Variants in GABRB3 observed in about 807,000 individuals in gnomAD.
GABRB3 encodes the protein gamma-aminobutyric acid receptor subunit beta-3.
GABRB3 carries 14 observed loss-of-function variants against 52.1 expected under a neutral mutation model. The observed-to-expected ratio is 0.27, with a 90% CI of 0.18 to 0.42. The LOEUF (loss-of-function observed/expected upper bound fraction) is 0.42, where lower values mean the gene tolerates loss of function less well. Ranked by LOEUF, GABRB3 falls within the 10% of genes least tolerant of loss-of-function variation. The probability of loss-of-function intolerance (pLI) is 1.00; values close to 1 mark genes in which losing one functional copy is unlikely to be tolerated. For synonymous variants in GABRB3, 260 were observed against 232.3 expected (o/e 1.12, Z -1.08); for missense variants, 307 against 609.1 (o/e 0.50, Z 5.22).
intron 3 of GABRB3, among the ~76,000 whole-genome samples, chr15:26,685,344 T>C (rs953675263): frequency 6.6e-6 from 1 of 152,116 alleles, no homozygotes; most frequent in African/African-American, 2.4e-5. Context: ...CATCCCCCTA[T>C]GGGATGGAGC....
At chr15:26,737,584 C>T (rs890006080) in intron 3 of GABRB3, among the ~76,000 whole-genome samples, 3 of 151,962 alleles carry the variant, frequency 2.0e-5, no homozygotes, top group Admixed American at 2.0e-4. Context: ...TGTAATCTAT[C>T]CAGGTGGAAA....
intron 3 of GABRB3, among the ~76,000 whole-genome samples, chr15:26,716,105 C>A (rs1191727251): frequency 2.0e-5 from 3 of 152,198 alleles, no homozygotes; most frequent in Admixed American, 2.0e-4. Flanking sequence ...AATATCCTGA[C>A]TCAAGGGAAA....
intron 3 of GABRB3, among the ~76,000 whole-genome samples, chr15:26,656,212 T>TC (rs1274173070): frequency 2.0e-5 from 3 of 152,152 alleles, no homozygotes; most frequent in African/African-American, 7.2e-5. Flanking sequence ...GGCTTCAGCC[T>TC]CCACACTTGT....
At chr15:26,726,083 T>C in intron 3 of GABRB3, among the ~76,000 whole-genome samples, 1 of 151,658 alleles carries the variant, frequency 6.6e-6, no homozygotes. Flanking sequence ...ACAAAAGACA[T>C]ATCACAGCTG....
At chr15:26,667,700 G>A (rs1334316748) in intron 3 of GABRB3, among the ~76,000 whole-genome samples, 9 of 152,268 alleles carry the variant, frequency 5.9e-5, no homozygotes, top group East Asian at 3.9e-4. Flanking sequence ...TCTCCAGACC[G>A]GCAGTATCAG....
chr15:26,609,621 A>G lies in GABRB3; in HGVS notation c.461+11693T>C, dbSNP rs994725126. ...CATTGTGTGGTTAGGCAGCTGCTAT[A>G]TAGTGTCACATAATAAAATAAAGGA... On this transcript the variant is annotated intron_variant, in intron 4 of 8. Coordinates refer to ENST00000311550, the MANE Select transcript of GABRB3 (RefSeq NM_000814.6). 3.3e-5 allele frequency among the ~76,000 whole-genome samples: 5 copies of G among 152,154 alleles called. 1 individual carries two copies. In the South Asian group the frequency reaches 1.0e-3, roughly 32 times the overall value.
intron 3 of GABRB3, among the ~76,000 whole-genome samples, chr15:26,739,886 C>T (rs1890158096): frequency 6.6e-6 from 1 of 152,000 alleles, no homozygotes. Flanking sequence ...AGATAAAATC[C>T]ATTCTTATCT....
At chr15:26,597,084 G>A (rs999892401) in intron 4 of GABRB3, among the ~76,000 whole-genome samples, 2 of 151,978 alleles carry the variant, frequency 1.3e-5, no homozygotes, top group African/African-American at 4.8e-5. Flanking sequence ...TCTATAAATG[G>A]ATTAATCCAT....
Position 26,677,998 on chromosome 15 carries a change from G to A in GABRB3, c.241-56464C>T, listed in dbSNP as rs148978783. Among the ~76,000 whole-genome samples the A allele has an allele frequency of 1.1e-3, 167 of 152,256 alleles. 1 individual carries two copies. The highest frequency in any genetic ancestry group is 6.8e-3 in the Middle Eastern group (2 of 294). On this transcript the variant is annotated intron_variant, in intron 3 of 8. Coordinates refer to ENST00000311550, the MANE Select transcript of GABRB3 (RefSeq NM_000814.6). ...GGGGGCCAGCTCTATCTAAAACTAC[G>A]CTGTGTGGGCATTTTAGCAATTTGA...
intron 6 of GABRB3, among the ~76,000 whole-genome samples, chr15:26,578,788 C>G (rs1468139444): frequency 6.6e-6 from 1 of 152,248 alleles, no homozygotes; most frequent in Non-Finnish European, 1.5e-5. Context: ...GCTCCTACCA[C>G]TCAGGGCATG....
chr15:26,632,060 A>T (rs897252360), intron 3 of GABRB3, among the ~76,000 whole-genome samples: 1 of 152,240 alleles, frequency 6.6e-6, no homozygotes, highest in Non-Finnish European at 1.5e-5. Context: ...CGAAGTCTCA[A>T]GTTGGCCTCC....
At chr15:26,734,936 T>C (rs1211166382) in intron 3 of GABRB3, among the ~76,000 whole-genome samples, 1 of 152,028 alleles carries the variant, frequency 6.6e-6, no homozygotes, top group African/African-American at 2.4e-5. Context: ...AACAAAACCC[T>C]ATCAGTAGAG....
At chr15:26,576,039 G>A (rs980582611) in intron 6 of GABRB3, among the ~76,000 whole-genome samples, 23 of 152,188 alleles carry the variant, frequency 1.5e-4, no homozygotes, top group African/African-American at 4.8e-4. Context: ...GCTGGTGAGC[G>A]GGACACATTT....
At chr15:26,664,512 G>A (rs137890110) in intron 3 of GABRB3, among the ~76,000 whole-genome samples, 11 of 151,818 alleles carry the variant, frequency 7.2e-5, no homozygotes, top group Non-Finnish European at 1.6e-4. Flanking sequence ...GTTTCACGGT[G>A]GAAAGAAATC....
At chr15:26,660,547 C>T (rs1241559362) in intron 3 of GABRB3, among the ~76,000 whole-genome samples, 1 of 152,104 alleles carries the variant, frequency 6.6e-6, no homozygotes, top group African/African-American at 2.4e-5. Flanking sequence ...AGGACTATTC[C>T]CCAAATCTGG....
At chr15:26,615,318 T>G (rs1053829173) in intron 4 of GABRB3, 1 of 985,422 alleles carries the variant, frequency 1.0e-6, no homozygotes, top group Non-Finnish European at 1.2e-6. Context: ...TTATGTTTTA[T>G]TTTAGGATGG....
chr15:26,556,015 G>T (rs1889737940), intron 8 of GABRB3, among the ~76,000 whole-genome samples: 1 of 152,206 alleles, frequency 6.6e-6, no homozygotes, highest in South Asian at 2.1e-4. Flanking sequence ...CTATCATCTA[G>T]AGTTTACGTC....
rs557617547 is a variant in GABRB3, at chr15:26,770,473, G to C, written c.240+1929C>G. 2.0e-5 allele frequency among the ~76,000 whole-genome samples: 3 copies of C among 152,276 alleles called. No individual in the cohort carries two copies. In the East Asian group the frequency reaches 5.8e-4, roughly 29 times the overall value. ...GAAAATTGAGACACTTCAAATCATA[G>C]ACTACAAATTAGGCAAACACTGATG... On this transcript the variant is annotated intron_variant, in intron 3 of 8. Coordinates refer to ENST00000311550, the MANE Select transcript of GABRB3 (RefSeq NM_000814.6).
At chr15:26,653,325 T>C (rs1255885231) in intron 3 of GABRB3, among the ~76,000 whole-genome samples, 2 of 152,130 alleles carry the variant, frequency 1.3e-5, no homozygotes, top group African/African-American at 4.8e-5. Flanking sequence ...AAACCTAAGA[T>C]TGGTGTTCAA....
Sources: allele counts gnomAD v4.1 joint callset (sites outside exome capture counted in the v4.1 genomes callset), GRCh38; gene constraint gnomAD v4.1.1; transcripts MANE v1.5; gene names NCBI Gene and HGNC (gene_info 2026-07-23, HGNC 2026-07-21).